CNTN1: variants seen among roughly 807,000 people sequenced by gnomAD.
CNTN1 encodes contactin 1.
In CNTN1, 38 loss-of-function variants were observed where a neutral mutation model predicts 126.4. The observed-to-expected ratio is 0.30, with a 90% CI of 0.23 to 0.39. CNTN1 has a LOEUF of 0.39. Ranked by LOEUF, CNTN1 falls within the 10% of genes least tolerant of loss-of-function variation. The pLI is 1.00. For missense variants in CNTN1, 1,009 were observed against 1,248.4 expected, an observed-to-expected ratio of 0.81 and a Z score of 2.89; for synonymous variants, 413 against 422.6, an observed-to-expected ratio of 0.98 and a Z score of 0.28.
At chr12:40,743,068 G>A (rs957177584) in intron 1 of CNTN1, among the ~76,000 whole-genome samples, 1 of 152,026 alleles carries the variant, frequency 6.6e-6, no homozygotes, top group African/African-American at 2.4e-5. Flanking sequence ...CGGGGGAATG[G>A]GAGGCTTCAT....
chr12:41,036,595 T>C (rs557105007), intron 23 of CNTN1, among the ~76,000 whole-genome samples: 1 of 152,292 alleles, frequency 6.6e-6, no homozygotes, highest in Non-Finnish European at 1.5e-5. Context: ...TGATGATATT[T>C]ACAAGCAAGA....
chr12:40,990,440 C>G (rs1456225546), intron 16 of CNTN1, among the ~76,000 whole-genome samples: 1 of 152,110 alleles, frequency 6.6e-6, no homozygotes, highest in African/African-American at 2.4e-5. Context: ...GGTCATGACT[C>G]TGAGTCTGGT....
At chr12:40,826,145 A>G (rs1331786831) in intron 1 of CNTN1, among the ~76,000 whole-genome samples, 4 of 152,214 alleles carry the variant, frequency 2.6e-5, no homozygotes, top group Non-Finnish European at 2.9e-5. Flanking sequence ...GGTTTTGTCA[A>G]TAATTTAGAT....
intron 16 of CNTN1, among the ~76,000 whole-genome samples, chr12:40,988,622 C>T (rs1948024591): frequency 1.3e-5 from 2 of 152,098 alleles, no homozygotes; most frequent in African/African-American, 4.8e-5. Context: ...GTGGAAACTT[C>T]TTTTTATTCT....
chr12:40,787,005 A>G (rs1379350628), intron 1 of CNTN1, among the ~76,000 whole-genome samples: 1 of 152,128 alleles, frequency 6.6e-6, no homozygotes, highest in Admixed American at 6.6e-5. Context: ...TTATTCAACC[A>G]ATATTTGTCA....
intron 1 of CNTN1, among the ~76,000 whole-genome samples, chr12:40,728,474 A>G (rs1942414344): frequency 6.6e-6 from 1 of 152,134 alleles, no homozygotes; most frequent in African/African-American, 2.4e-5. Context: ...CTCTCCTGGA[A>G]ATACTACCTA....
intron 6 of CNTN1, among the ~76,000 whole-genome samples, chr12:40,924,881 C>CATATATATATATATATATATATATAGAT: frequency 8.9e-6 from 1 of 112,126 alleles, no homozygotes; most frequent in African/African-American, 3.4e-5. Context: ...AGTTTATAAA[C>CATATATATATATATATATATATATAGAT]ATATATATAT....
At chr12:40,853,109 T>C (rs947929300) in intron 1 of CNTN1, among the ~76,000 whole-genome samples, 1 of 152,070 alleles carries the variant, frequency 6.6e-6, no homozygotes, top group Non-Finnish European at 1.5e-5. Flanking sequence ...ATGTAAGAAA[T>C]TAAGTTTTAT....
At chr12:40,900,874 G>T (rs1024821071) in intron 1 of CNTN1, among the ~76,000 whole-genome samples, 3 of 152,186 alleles carry the variant, frequency 2.0e-5, no homozygotes, top group South Asian at 4.1e-4. Context: ...ATGGTAGATA[G>T]GTTTCAGTAG....
intron 1 of CNTN1, among the ~76,000 whole-genome samples, chr12:40,865,166 T>TC (rs1241029404): frequency 6.6e-6 from 1 of 152,172 alleles, no homozygotes; most frequent in Non-Finnish European, 1.5e-5. Flanking sequence ...CCTCTTCAAA[T>TC]CCTTTGTTTA....
At chr12:40,972,217 C>T (rs1408761195) in intron 15 of CNTN1, 6 of 985,146 alleles carry the variant, frequency 6.1e-6, no homozygotes, top group African/African-American at 1.7e-5. Flanking sequence ...TTTATTGACT[C>T]CTGCCATCAG....
chr12:40,963,177 T>A (rs1947168600), intron 15 of CNTN1, among the ~76,000 whole-genome samples: 1 of 152,026 alleles, frequency 6.6e-6, no homozygotes, highest in South Asian at 2.1e-4. Context: ...ATCCCAGCAC[T>A]TTGGGAGGCC....
At chr12:40,813,121 CCTTCT>C (rs1565773468) in intron 1 of CNTN1, among the ~76,000 whole-genome samples, 137 of 140,690 alleles carry the variant, frequency 9.7e-4, no homozygotes, top group African/African-American at 3.6e-3. Context: ...TTCTTTCTTT[CCTTCT>C]TTCTTTCTTT....
intron 1 of CNTN1, among the ~76,000 whole-genome samples, chr12:40,826,711 C>A (rs1053945134): frequency 3.3e-5 from 5 of 152,194 alleles, no homozygotes; most frequent in African/African-American, 1.2e-4. Flanking sequence ...GATGACACCA[C>A]CAAGGGTGAA....
At position 40,981,010 on chromosome 12, in the gene CNTN1, A is replaced by G; in HGVS notation, c.1906A>G (p.Lys636Glu). 1 of 1,613,706 alleles carries G rather than the reference A, an allele frequency of 6.2e-7. No homozygotes were observed. Residue 636 changes from lysine (K) to glutamate (E), a missense_variant, in exon 16 of 24, where the codon AAA becomes GAA. By Grantham distance (56) the Lys-to-Glu change is moderately conservative. Coordinates refer to ENST00000551295, the MANE Select transcript of CNTN1 (RefSeq NM_001843.4). ...RGSDNHSPIS[K>E]YTIQTKTILS... ...TTCAGACAATCATAGTCCTATTTCT[A>G]AATACACTATCCAGACCAAGACTAT...
chr12:40,979,723 C>A (rs1157070260), intron 15 of CNTN1, among the ~76,000 whole-genome samples: 1 of 151,930 alleles, frequency 6.6e-6, no homozygotes, highest in African/African-American at 2.4e-5. Context: ...ACATTTTTCT[C>A]TTATTTTTAT....
At chr12:41,006,587 A>T (rs1012367710) in intron 17 of CNTN1, among the ~76,000 whole-genome samples, 3 of 152,254 alleles carry the variant, frequency 2.0e-5, no homozygotes, top group Non-Finnish European at 2.9e-5. Context: ...TCACCAAAGA[A>T]TTTACATAGC....
chr12:40,725,183 C>T (rs1170897507), intron 1 of CNTN1, among the ~76,000 whole-genome samples: 1 of 152,020 alleles, frequency 6.6e-6, no homozygotes, highest in Non-Finnish European at 1.5e-5. Flanking sequence ...CGGTGGATCA[C>T]CTGAGGTTGG....
At chr12:40,970,349 G>A (rs1372899475) in intron 15 of CNTN1, among the ~76,000 whole-genome samples, 1 of 151,888 alleles carries the variant, frequency 6.6e-6, no homozygotes, top group Non-Finnish European at 1.5e-5. Context: ...CTAAAATTAG[G>A]ATTTTCAGTT....
Sources: gnomAD v4.1 joint callset for allele counts (sites outside exome capture counted in the v4.1 genomes callset) on GRCh38, gnomAD v4.1.1 for gene constraint, MANE v1.5 for transcripts, NCBI Gene and HGNC (gene_info 2026-07-23, HGNC 2026-07-21) for gene names.